Variants in ARHGAP45 observed in about 807,000 individuals in gnomAD.
ARHGAP45 encodes the protein Rho GTPase activating protein 45.
ARHGAP45 carries 56 observed loss-of-function variants against 116.1 expected under a neutral mutation model. The ratio of observed to expected loss-of-function variants is 0.48; its 90% CI spans 0.39 to 0.60. ARHGAP45 has a LOEUF of 0.60. Among genes scored for constraint, ARHGAP45 ranks in the 20% least tolerant of loss-of-function variants. ARHGAP45 has a pLI of 0.00. For synonymous variants in ARHGAP45, 866 were observed against 701.7 expected, an observed-to-expected ratio of 1.23 and a Z score of -3.70; for missense variants, 1,622 against 1,601.0, an observed-to-expected ratio of 1.01 and a Z score of -0.22.
At position 1,086,147 on chromosome 19, in the gene ARHGAP45, G is replaced by A; in HGVS notation, c.*141G>A. The A allele has an allele frequency of 5.5e-6, 4 of 728,740 alleles. No individual in the cohort carries two copies. Among genetic ancestry groups the A allele is most frequent in the South Asian group, 1.8e-5 (1 of 55,216 alleles). The allele number at this position is 728,740 out of a possible 1,614,324, so 45.1% of individuals were successfully genotyped here. On this transcript the variant is annotated 3_prime_UTR_variant, in exon 23 of 23. Transcript: ENST00000313093. ...GCGCCTGGACTTCGACGTCCCACCA[G>A]CGGGCGCCTCCTCCCAGAGGCTTCC...
chr19:1,074,339 G>A lies in ARHGAP45; in HGVS notation c.929-4G>A. ...AGCACCTCACACCCCTCTCCGGCCC[G>A]CAGAGATGGAGTTTGCCAAGGGCCT... is the stretch of plus-strand genomic sequence containing the variant. On this transcript the variant is annotated splice_polypyrimidine_tract_variant and splice_region_variant and intron_variant, in intron 7 of 22. Transcript: ENST00000313093. The A allele has an allele frequency of 6.2e-7, 1 of 1,610,364 alleles. No individual in the cohort carries two copies. The highest frequency in any genetic ancestry group is 8.5e-7 in the Non-Finnish European group (1 of 1,178,586).
chr19:1,067,379 C>T lies in ARHGAP45; in HGVS notation c.-27C>T. Reference sequence around the variant, plus strand: ...CAGCGCTGAGACCCCCAGCCCGCCCCCTCGGGCTCCCGGCCGGGGCCCCAT... The same window carrying T: ...CAGCGCTGAGACCCCCAGCCCGCCCTCTCGGGCTCCCGGCCGGGGCCCCAT... On this transcript the variant is annotated 5_prime_UTR_variant, in exon 1 of 23. Coordinates refer to ENST00000313093, the MANE Select transcript of ARHGAP45 (RefSeq NM_012292.5). 6.5e-7 allele frequency: 1 copy of T among 1,541,136 alleles called. No individual in the cohort carries two copies. The highest frequency in any genetic ancestry group is 8.7e-7 in the Non-Finnish European group (1 of 1,146,536).
In ARHGAP45 at chr19:1,068,701, C is replaced by T. The variant is rs199753504; in HGVS notation, c.378C>T (p.Phe126=). The T allele has an allele frequency of 1.2e-5, 19 of 1,612,604 alleles. No homozygotes were observed. The East Asian group carries it at 2.7e-4, about 23-fold the overall frequency. The change falls in exon 2 of 23, where the codon TTC becomes TTT. Residue 126 remains phenylalanine, a synonymous_variant. Coordinates refer to ENST00000313093, the MANE Select transcript of ARHGAP45 (RefSeq NM_012292.5). The surrounding 1 kb of genome is among the most constrained non-coding windows in gnomAD (Gnocchi z 7.5). The stretch of plus-strand genomic sequence containing the variant: ...ATCTGCTGGCGGACGTGGCCCGCTT[C>T]GCTGAGGGCCTTGAGAAACTTAAGG... The part of the protein sequence containing the change: ...ISHLLADVAR[F]AEGLEKLKEC...
In ARHGAP45 at chr19:1,085,124, GT is replaced by G. The variant is rs199600822; in HGVS notation, c.3065-533del. The stretch of plus-strand genomic sequence containing the variant: ...ACTGGGCAATTTACAAAAGAAAGAG[GT>G]TTAATGGAGTTACAGTTCCATGTAG... On this transcript the variant is annotated intron_variant, in intron 22 of 22. Coordinates refer to ENST00000313093, the MANE Select transcript of ARHGAP45 (RefSeq NM_012292.5). Among the ~76,000 whole-genome samples, 874 of 152,276 alleles carry G rather than the reference GT, an allele frequency of 5.7e-3. 7 individuals carry two copies. The highest frequency in any genetic ancestry group is 0.02 in the African/African-American group (845 of 41,548).
chr19:1,082,129 G>A (rs554784907), intron 19 of ARHGAP45, among the ~76,000 whole-genome samples, 168 bp downstream of exon 19: 4 of 151,526 alleles, frequency 2.6e-5, no homozygotes, highest in Non-Finnish European at 5.9e-5. Context: ...GCAGGGCAGG[G>A]CTGAGGCTGG....
At position 1,084,095 on chromosome 19, in the gene ARHGAP45, C is replaced by T. The variant is rs2043525921; in HGVS notation, c.2956-143C>T. On this transcript the variant is annotated intron_variant, in intron 21 of 22. Transcript: ENST00000313093. ...TGGGTGTTTAGGGGCTGCGGTTTCT[C>T]GGGTTTGCTCTTGGCTGAGGACAGA... 5.5e-6 allele frequency: 4 copies of T among 727,120 alleles called. No homozygotes were observed. In the Admixed American group the frequency reaches 6.8e-5, roughly 12 times the overall value. The allele number at this position is 727,120 out of a possible 1,614,324, so 45.0% of individuals were successfully genotyped here.
At chr19:1,066,407 G>T, upstream of ARHGAP45, 2 of 554,054 alleles carry the variant, frequency 3.6e-6, no homozygotes, top group South Asian at 2.1e-5. Flanking sequence ...CACGTCCGGT[G>T]GTCCAGAGTC....
intron 15 of ARHGAP45, 43 bp from the exon 16 acceptor site, chr19:1,080,639 C>T (rs774122335): frequency 6.2e-7 from 1 of 1,607,372 alleles, no homozygotes; most frequent in Non-Finnish European, 8.5e-7. Context: ...TGGAGGGGGC[C>T]CCCCTGGCTG....
In ARHGAP45 at chr19:1,079,688, C is replaced by T; in HGVS notation, c.1375-15C>T. ...GGGCTGAGGCCTCTCTCTGTGCGCC[C>T]CGCCCCCACCGCAGGCGGAGGAAGC... On this transcript the variant is annotated splice_polypyrimidine_tract_variant and intron_variant, in intron 11 of 22. Transcript: ENST00000313093. 1 of 1,612,106 alleles carries T rather than the reference C, an allele frequency of 6.2e-7. No homozygotes were observed.
Position 1,081,918 on chromosome 19 carries a change from C to T in ARHGAP45, c.2474C>T (p.Ser825Leu), listed in dbSNP as rs757497966. ...GKELVELSQA[S>L]PHDISNVLKL... ...GAGCTGGTCGAGCTGTCGCAGGCCT[C>T]GCCCCACGACATCAGCAACGTCCTC... The change falls in exon 19 of 23, where the codon TCG becomes TTG. Residue 825 changes from serine (S) to leucine (L), a missense_variant. Coordinates refer to ENST00000313093, the MANE Select transcript of ARHGAP45 (RefSeq NM_012292.5). 6.2e-6 allele frequency: 10 copies of T among 1,612,688 alleles called. No individual in the cohort carries two copies. The African/African-American group carries it at 8.0e-5, about 13-fold the overall frequency.
Position 1,080,109 on chromosome 19 carries a change from C to G in ARHGAP45, c.1694C>G (p.Ala565Gly), listed in dbSNP as rs1181902735. 2 of 1,611,790 alleles carry G rather than the reference C, an allele frequency of 1.2e-6. No homozygotes were observed. The highest frequency in any genetic ancestry group is 1.7e-6 in the Non-Finnish European group (2 of 1,179,612). Reference protein sequence around the residue: ...VHYDFEPHVSANAWSPVMRAR... With the variant: ...VHYDFEPHVSGNAWSPVMRAR... The stretch of plus-strand genomic sequence containing the variant: ...TACGACTTTGAGCCCCACGTCTCCG[C>G]CAACGCCTGGTACCGCCACCCAGCT... Residue 565 changes from alanine to glycine, a missense_variant, in exon 13 of 23, where the codon GCC (alanine) becomes GGC (glycine). Coordinates refer to ENST00000313093, the MANE Select transcript of ARHGAP45 (RefSeq NM_012292.5).
chr19:1,074,201 G>C lies in ARHGAP45; in HGVS notation c.888G>C (p.Met296Ile). 1 of 1,613,468 alleles carries C rather than the reference G, an allele frequency of 6.2e-7. No homozygotes were observed. The highest frequency in any genetic ancestry group is 8.5e-7 in the Non-Finnish European group (1 of 1,180,018). ...LLYAKNMAKY[M>I]KDLISYLEKR... is the part of the protein sequence containing the mutation. ...ATGCCAAGAACATGGCCAAGTACAT[G>C]AAGGACCTCATCAGCTACCTGGAGA... The change falls in exon 7 of 23, where the codon ATG becomes ATC. Residue 296 changes from methionine (M) to isoleucine (I), a missense_variant. Transcript: ENST00000313093.
intron 19 of ARHGAP45, among the ~76,000 whole-genome samples, chr19:1,082,267 G>T (rs11878920): frequency 5.0e-5 from 6 of 120,510 alleles, no homozygotes; most frequent in African/African-American, 2.1e-4. Flanking sequence ...CACACCTGAC[G>T]CTGTGCGGGG....
At position 1,071,129 on chromosome 19, in the gene ARHGAP45, G is replaced by C; in HGVS notation, c.422-2020G>C. 9.7e-6 allele frequency: 12 copies of C among 1,238,036 alleles called. No individual in the cohort carries two copies. The highest frequency in any genetic ancestry group is 1.2e-5 in the Non-Finnish European group (12 of 970,000). The allele number at this position is 1,238,036 out of a possible 1,614,324, so 76.7% of individuals were successfully genotyped here. ...CCCCACCTCGAAGCTCTGCGGTTAAGGAAGGACCCAGGCTGGGGCGAACGG... is the reference window on the plus strand; with the variant it reads ...CCCCACCTCGAAGCTCTGCGGTTAACGAAGGACCCAGGCTGGGGCGAACGG... On this transcript the variant is annotated intron_variant, in intron 2 of 22. Coordinates refer to ENST00000313093, the MANE Select transcript of ARHGAP45 (RefSeq NM_012292.5). This position sits in a 1 kb window ranked among gnomAD's most constrained non-coding sequence, Gnocchi z 4.6.
intron 16 of ARHGAP45, 25 bp downstream of exon 16, chr19:1,080,811 A>G: frequency 6.2e-7 from 1 of 1,611,482 alleles, no homozygotes; most frequent in Non-Finnish European, 8.5e-7. Flanking sequence ...ACGGGGCTGG[A>G]GAGAGAGGGG....
In ARHGAP45 at chr19:1,080,290, A is replaced by C; in HGVS notation, c.1739A>C (p.Asn580Thr). ...ATGCGTGCCCGGAAGAGCAGCTTCA[A>C]CGTGAGTGATGTGGCGCGGCCGGAG... ...PVMRARKSSF[N>T]VSDVARPEAA... The change falls in exon 14 of 23, where the codon AAC becomes ACC. Residue 580 changes from asparagine (N) to threonine (T), a missense_variant. Transcript: ENST00000313093. The C allele has an allele frequency of 6.2e-7, 1 of 1,612,546 alleles. No homozygotes were observed. Among genetic ancestry groups the C allele is most frequent in the Non-Finnish European group, 8.5e-7 (1 of 1,179,826 alleles).
intron 10 of ARHGAP45, chr19:1,076,934 G>A: frequency 1.4e-6 from 1 of 699,556 alleles, no homozygotes; most frequent in Non-Finnish European, 1.8e-6. Context: ...TCACTATGTT[G>A]ACCAGGCTGG....
At chr19:1,074,910 C>T (rs1051535302) in intron 10 of ARHGAP45, 31 bp downstream of exon 10, 61 of 638,834 alleles carry the variant, frequency 9.5e-5, no homozygotes, top group East Asian at 1.4e-4. Flanking sequence ...CGGGCGGGGG[C>T]GGGCAGCGGG....
chr19:1,079,714 T>C lies in ARHGAP45; in HGVS notation c.1386T>C (p.Ala462=), dbSNP rs750108291. Residue 462 remains alanine, a synonymous_variant, in exon 12 of 23, where the codon GCT becomes GCC. Coordinates refer to ENST00000313093, the MANE Select transcript of ARHGAP45 (RefSeq NM_012292.5). ...EEEAKNKAEE[A]MATYRTCVAD... ...CGCCCCCACCGCAGGCGGAGGAAGC[T>C]ATGGCCACCTACCGCACCTGCGTGG... 14 of 1,612,372 alleles carry C rather than the reference T, an allele frequency of 8.7e-6. No individual in the cohort carries two copies. The highest frequency in any genetic ancestry group is 1.2e-5 in the Non-Finnish European group (14 of 1,179,726).
Sources: allele counts gnomAD v4.1 joint callset (sites outside exome capture counted in the v4.1 genomes callset), GRCh38; gene constraint gnomAD v4.1.1; non-coding constraint Gnocchi (gnomAD v3.1); transcripts MANE v1.5; gene names NCBI Gene and HGNC (gene_info 2026-07-23, HGNC 2026-07-21).